CASK: variants seen among roughly 807,000 people sequenced by gnomAD.
CASK encodes the protein peripheral plasma membrane protein CASK.
In CASK, 4 loss-of-function variants were observed where a neutral mutation model predicts 82.9. That is an observed-to-expected ratio of 0.05 (90% CI 0.02 to 0.11). The LOEUF is 0.11. Ranked by LOEUF, CASK falls within the 10% of genes least tolerant of loss-of-function variation. The pLI, the probability that CASK is intolerant of heterozygous loss-of-function variation, is 1.00. For synonymous variants in CASK, 259 were observed against 253.5 expected (o/e 1.02, Z -0.20); for missense variants, 358 against 720.9 (o/e 0.50, Z 5.76).
At chrX:41,761,739 G>A (rs1256175834) in intron 3 of CASK, among the ~76,000 whole-genome samples, 1 of 111,533 alleles carries the variant, frequency 9.0e-6, no homozygotes, top group African/African-American at 3.3e-5. Flanking sequence ...ACATTACCAA[G>A]AAAAAAATAG....
intron 3 of CASK, among the ~76,000 whole-genome samples, chrX:41,762,646 G>A (rs1431357881): frequency 9.0e-6 from 1 of 111,701 alleles, no homozygotes; most frequent in Non-Finnish European, 1.9e-5. Flanking sequence ...TAGAATTCCT[G>A]TTTATGTGTG....
At chrX:41,775,706 TA>T (rs962127893) in intron 3 of CASK, among the ~76,000 whole-genome samples, 107 of 104,766 alleles carry the variant, frequency 1.0e-3, no homozygotes, top group African/African-American at 3.5e-3. Context: ...TATGCAGCCA[TA>T]AAAAATGATG....
chrX:41,544,965 T>G (rs1334155792), intron 21 of CASK, among the ~76,000 whole-genome samples: 2 of 111,739 alleles, frequency 1.8e-5, no homozygotes, highest in Non-Finnish European at 3.8e-5. Context: ...TCTCCAATAT[T>G]ACCTTCTCAA....
At chrX:41,680,512 T>C (rs2067335572) in intron 5 of CASK, among the ~76,000 whole-genome samples, 1 of 109,182 alleles carries the variant, frequency 9.2e-6, no homozygotes. Flanking sequence ...AAAAATAAAA[T>C]AAAATATATA....
At chrX:41,652,714 G>A (rs771451852) in intron 8 of CASK, among the ~76,000 whole-genome samples, 1 of 112,164 alleles carries the variant, frequency 8.9e-6, no homozygotes, top group Non-Finnish European at 1.9e-5. Context: ...CACACATGGA[G>A]GTTCCTGGAG....
rs752684299 is a variant in CASK, at chrX:41,847,759, C to A, written c.172+5356G>T. 3.6e-5 allele frequency among the ~76,000 whole-genome samples: 4 copies of A among 112,139 alleles called. No homozygotes were observed. The South Asian group carries it at 1.1e-3, about 31-fold the overall frequency. ...TTTTTGGGGGAACACATTCTGCAGT[C>A]TGTATTCTTTTTTATGTGTGGCCAC... On this transcript the variant is annotated intron_variant, in intron 2 of 26. Coordinates refer to ENST00000378163, the MANE Select transcript of CASK (RefSeq NM_001367721.1).
chrX:41,711,178 C>G (rs1157826925), intron 5 of CASK, among the ~76,000 whole-genome samples: 2 of 111,605 alleles, frequency 1.8e-5, no homozygotes, highest in African/African-American at 6.5e-5. Flanking sequence ...GGGGACTAAG[C>G]CCTCAACCTG....
At chrX:41,870,983 C>T (rs896875982) in intron 1 of CASK, among the ~76,000 whole-genome samples, 3 of 112,201 alleles carry the variant, frequency 2.7e-5, no homozygotes, top group East Asian at 5.6e-4. Context: ...AGGTTGTTTG[C>T]GTAGGGTCTC....
At position 41,923,327 on chromosome X, in the gene CASK, C is replaced by T. The variant is rs900210540; in HGVS notation, c.-339G>A. ...CGGCGTCGCGCTCTCCGCTCGTCAG[C>T]CCGCGCGGGCCGCGAGGCCGCGACC... On this transcript the variant is annotated 5_prime_UTR_variant, in exon 1 of 27. Coordinates refer to ENST00000378163, the MANE Select transcript of CASK (RefSeq NM_001367721.1). The T allele has an allele frequency of 9.2e-6, 1 of 108,856 alleles. No homozygotes were observed. 9.0% of individuals were successfully genotyped at this position (108,856 alleles called of 1,213,427 possible). A position where few individuals can be genotyped will look rare whatever the true frequency, so the allele number is the denominator to read the frequency against.
chrX:41,707,834 C>G (rs779634001), intron 5 of CASK, among the ~76,000 whole-genome samples: 1 of 111,275 alleles, frequency 9.0e-6, no homozygotes, highest in Non-Finnish European at 1.9e-5. Context: ...ATGAAGAGAG[C>G]TGAATAAAGA....
chrX:41,817,726 G>A (rs1286844517), intron 2 of CASK, among the ~76,000 whole-genome samples: 2 of 110,876 alleles, frequency 1.8e-5, no homozygotes, highest in Non-Finnish European at 3.8e-5. Context: ...TTGTATATCA[G>A]TTGTATTTAT....
chrX:41,564,941 C>T (rs761966533), intron 16 of CASK, among the ~76,000 whole-genome samples: 7 of 111,912 alleles, frequency 6.3e-5, no homozygotes, highest in African/African-American at 9.7e-5. Flanking sequence ...CATTCAAAAC[C>T]GCTCAACTAC....
At chrX:41,522,757 T>C (rs1176848097) in intron 26 of CASK, among the ~76,000 whole-genome samples, 2 of 112,473 alleles carry the variant, frequency 1.8e-5, no homozygotes, top group Non-Finnish European at 3.8e-5. Context: ...TGTAGGTCTC[T>C]TTACAGAAAA....
At chrX:41,715,372 C>A (rs767676798) in intron 5 of CASK, among the ~76,000 whole-genome samples, 2 of 111,775 alleles carry the variant, frequency 1.8e-5, no homozygotes, top group East Asian at 2.8e-4. Flanking sequence ...GTAATCCCAG[C>A]GCTTTGGGAG....
At chrX:41,555,845 G>A (rs907309686) in intron 19 of CASK, 6 of 357,966 alleles carry the variant, frequency 1.7e-5, no homozygotes, top group African/African-American at 2.6e-5. Flanking sequence ...AAGCAGGTAA[G>A]TTTAAGCAGA....
At chrX:41,590,497 G>A (rs1380227881) in intron 12 of CASK, among the ~76,000 whole-genome samples, 1 of 75,578 alleles carries the variant, frequency 1.3e-5, no homozygotes, top group Non-Finnish European at 2.4e-5. Flanking sequence ...GCGACAGAGC[G>A]AGATTCCGTC....
intron 12 of CASK, among the ~76,000 whole-genome samples, chrX:41,601,556 T>A (rs2065893918): frequency 8.9e-6 from 1 of 111,849 alleles, no homozygotes; most frequent in Non-Finnish European, 1.9e-5. Flanking sequence ...TGGTAAATTC[T>A]TAGCCACAAA....
At chrX:41,539,552 T>A (rs1244948953) in intron 22 of CASK, among the ~76,000 whole-genome samples, 6 of 112,140 alleles carry the variant, frequency 5.4e-5, no homozygotes, top group Non-Finnish European at 1.1e-4. Context: ...GCCCATCTGG[T>A]TTGGTATGAA....
At chrX:41,721,666 A>G (rs1030452192) in intron 5 of CASK, among the ~76,000 whole-genome samples, 8 of 111,975 alleles carry the variant, frequency 7.1e-5, no homozygotes, top group African/African-American at 2.6e-4. Flanking sequence ...TTTTAAAGCT[A>G]ATTTACTAAT....
Sources: allele counts gnomAD v4.1 joint callset (sites outside exome capture counted in the v4.1 genomes callset), GRCh38; gene constraint gnomAD v4.1.1; transcripts MANE v1.5; gene names NCBI Gene and HGNC (gene_info 2026-07-23, HGNC 2026-07-21).